EEIG2: variants seen among roughly 807,000 people sequenced by gnomAD.
EEIG2 encodes family with sequence similarity 102 member B.
the EEIG2 span, among the ~76,000 whole-genome samples, chr1:108,590,826 C>T: frequency 3.9e-5 from 6 of 152,182 alleles, no homozygotes; most frequent in Middle Eastern, 3.4e-3. Context: ...TAGGGTATAC[C>T]TATGCAAGTT....
chr1:108,582,533 G>A, the EEIG2 span, among the ~76,000 whole-genome samples: 1 of 152,102 alleles, frequency 6.6e-6, no homozygotes, highest in African/African-American at 2.4e-5. Flanking sequence ...ATTCTGTTAC[G>A]AATTCTTAAT....
At chr1:108,588,632 T>C in the EEIG2 span, among the ~76,000 whole-genome samples, 2 of 152,186 alleles carry the variant, frequency 1.3e-5, no homozygotes, top group Non-Finnish European at 2.9e-5. Context: ...TTGATGTTTT[T>C]TGTGGTAACA....
At chr1:108,566,434 A>G in the EEIG2 span, among the ~76,000 whole-genome samples, 1 of 152,190 alleles carries the variant, frequency 6.6e-6, no homozygotes, top group Non-Finnish European at 1.5e-5. Flanking sequence ...ACTAATAAGC[A>G]GCAAATTATC....
At chr1:108,600,687 G>A in the EEIG2 span, 1 of 1,602,158 alleles carries the variant, frequency 6.2e-7, no homozygotes, top group Non-Finnish European at 8.5e-7. Flanking sequence ...CGTGAGGAAG[G>A]TATAAAAATA....
At chr1:108,628,904 T>C in the EEIG2 span, 1 of 1,006,174 alleles carries the variant, frequency 9.9e-7, no homozygotes, top group Non-Finnish European at 1.4e-6. Context: ...TACTGACTGT[T>C]GCATATTTGT....
the EEIG2 span, among the ~76,000 whole-genome samples, chr1:108,561,801 A>G: frequency 2.6e-5 from 4 of 152,212 alleles, no homozygotes; most frequent in African/African-American, 4.8e-5. Context: ...ACTTGTTGAA[A>G]AGCCTAAGCC....
At chr1:108,568,779 G>A in the EEIG2 span, among the ~76,000 whole-genome samples, 1 of 152,092 alleles carries the variant, frequency 6.6e-6, no homozygotes, top group Non-Finnish European at 1.5e-5. Flanking sequence ...GACTGACTTG[G>A]CTCACCCCAC....
At chr1:108,604,222 C>T in the EEIG2 span, among the ~76,000 whole-genome samples, 1 of 152,120 alleles carries the variant, frequency 6.6e-6, no homozygotes, top group Admixed American at 6.6e-5. Context: ...GTAGATCAGG[C>T]CGGGCCTTAT....
chr1:108,571,304 AC>A, the EEIG2 span, among the ~76,000 whole-genome samples: 1 of 152,090 alleles, frequency 6.6e-6, no homozygotes, highest in Non-Finnish European at 1.5e-5. Flanking sequence ...TGGAGAATAA[AC>A]ATCACCTCTG....
At chr1:108,594,349 T>TA in the EEIG2 span, among the ~76,000 whole-genome samples, 1 of 152,204 alleles carries the variant, frequency 6.6e-6, no homozygotes, top group African/African-American at 2.4e-5. Flanking sequence ...ATTAGTTACT[T>TA]ACTCATGAGC....
chr1:108,622,888 C>CA, the EEIG2 span, among the ~76,000 whole-genome samples: 1 of 152,090 alleles, frequency 6.6e-6, no homozygotes, highest in South Asian at 2.1e-4. Context: ...CTCTGGTCAC[C>CA]AAGGCATAGT....
the EEIG2 span, chr1:108,637,243 A>G: frequency 1.3e-5 from 2 of 152,364 alleles, no homozygotes; most frequent in South Asian, 4.1e-4. Flanking sequence ...AGTAGTAAAT[A>G]TAACAAATAT....
the EEIG2 span, among the ~76,000 whole-genome samples, chr1:108,564,361 C>T: frequency 6.6e-6 from 1 of 152,150 alleles, no homozygotes; most frequent in Non-Finnish European, 1.5e-5. Context: ...ATGTAAGTGA[C>T]TGATAAATGA....
chr1:108,621,515 G>A, the EEIG2 span, among the ~76,000 whole-genome samples: 1 of 152,186 alleles, frequency 6.6e-6, no homozygotes, highest in African/African-American at 2.4e-5. Flanking sequence ...AACAAGGGGT[G>A]CCAAATTGAA....
At chr1:108,635,271 C>A in the EEIG2 span, 1 of 1,304,046 alleles carries the variant, frequency 7.7e-7, no homozygotes, top group Non-Finnish European at 1.1e-6. Flanking sequence ...AAAGCCAATG[C>A]TGGTTTCTTC....
the EEIG2 span, chr1:108,616,499 C>A: frequency 9.4e-7 from 1 of 1,067,282 alleles, no homozygotes; most frequent in Admixed American, 2.1e-5. Flanking sequence ...TAAATTTTTA[C>A]ATTAATATTT....
chr1:108,586,600 G>A, the EEIG2 span, among the ~76,000 whole-genome samples: 1 of 152,072 alleles, frequency 6.6e-6, no homozygotes, highest in African/African-American at 2.4e-5. Flanking sequence ...AGGATAAGAA[G>A]ACATTTGGGA....
chr1:108,580,989 C>T, the EEIG2 span, among the ~76,000 whole-genome samples: 1 of 152,300 alleles, frequency 6.6e-6, no homozygotes, highest in East Asian at 1.9e-4. Context: ...GGCTTCAGAA[C>T]TTCAAATGAC....
the EEIG2 span, chr1:108,560,696 C>G: frequency 9.1e-7 from 1 of 1,097,408 alleles, no homozygotes; most frequent in Non-Finnish European, 1.2e-6. Flanking sequence ...ATTTATTGAT[C>G]TGCAAAGTGC....
Sources: allele counts gnomAD v4.1 joint callset (sites outside exome capture counted in the v4.1 genomes callset), GRCh38; gene constraint gnomAD v4.1.1; transcripts MANE v1.5; gene names NCBI Gene and HGNC (gene_info 2026-07-23, HGNC 2026-07-21).